The following CCDC178 variants were observed in gnomAD, a reference collection of about 807,000 sequenced individuals.
CCDC178 encodes the protein coiled-coil domain containing 178, also known as coiled-coil domain-containing protein 178.
Under a neutral mutation model 117.4 loss-of-function variants are expected in CCDC178, and 126 were observed. That is an observed-to-expected ratio of 1.07 (90% CI 0.93 to 1.24). CCDC178 has a LOEUF of 1.24. Ranked by LOEUF, CCDC178 falls within the 50% of genes most tolerant of loss-of-function variation. CCDC178 has a pLI of 0.00. For missense variants in CCDC178, 1,030 were observed against 986.9 expected (o/e 1.04, Z -0.59); for synonymous variants, 283 against 313.4 (o/e 0.90, Z 1.02).
chr18:33,029,036 C>T (rs543259924), intron 21 of CCDC178, among the ~76,000 whole-genome samples: 4 of 151,864 alleles, frequency 2.6e-5, no homozygotes, highest in East Asian at 3.9e-4. Flanking sequence ...TCCCATAGAA[C>T]GAGTTGGGAA....
At chr18:33,174,812 C>T (rs2058644604) in intron 20 of CCDC178, among the ~76,000 whole-genome samples, 1 of 151,780 alleles carries the variant, frequency 6.6e-6, no homozygotes, top group Admixed American at 6.6e-5. Flanking sequence ...CTTATCTCTC[C>T]TTCTTTTTTC....
At chr18:33,322,161 T>G (rs573522022) in intron 11 of CCDC178, among the ~76,000 whole-genome samples, 6 of 151,864 alleles carry the variant, frequency 4.0e-5, no homozygotes, top group Non-Finnish European at 2.9e-5. Flanking sequence ...TGTAGACAGA[T>G]GTATCACCAT....
At chr18:33,000,575 A>G (rs2055609788) in intron 21 of CCDC178, among the ~76,000 whole-genome samples, 1 of 152,222 alleles carries the variant, frequency 6.6e-6, no homozygotes, top group African/African-American at 2.4e-5. Context: ...AAGGATCTTA[A>G]AAGCAGCAAG....
chr18:33,367,293 C>T (rs890577121), intron 6 of CCDC178, among the ~76,000 whole-genome samples: 3 of 151,924 alleles, frequency 2.0e-5, no homozygotes, highest in African/African-American at 4.8e-5. Flanking sequence ...TGGAGGATTG[C>T]CATTTTAAAT....
chr18:33,397,262 T>G lies in CCDC178; in HGVS notation c.59-54A>C. 5 of 1,233,158 alleles carry G rather than the reference T, an allele frequency of 4.1e-6. No homozygotes were observed. In the Admixed American group the frequency reaches 9.1e-5, roughly 22 times the overall value. The allele number at this position is 1,233,158 out of a possible 1,614,324, so 76.4% of individuals were successfully genotyped here. A position where few individuals can be genotyped will look rare whatever the true frequency, so the allele number is the denominator to read the frequency against. On this transcript the variant is annotated intron_variant, in intron 3 of 22. Coordinates refer to ENST00000383096, the MANE Select transcript of CCDC178 (RefSeq NM_001105528.4). ...AATATCTGCTTCCTGAGTCAAATATTCTGCCCTATATTGCACTAGTAAGGA... is the reference window on the plus strand; with the variant it reads ...AATATCTGCTTCCTGAGTCAAATATGCTGCCCTATATTGCACTAGTAAGGA...
intron 21 of CCDC178, among the ~76,000 whole-genome samples, chr18:33,041,107 T>C (rs1428199298): frequency 6.6e-6 from 1 of 151,870 alleles, no homozygotes; most frequent in Non-Finnish European, 1.5e-5. Flanking sequence ...GGCAGTTTTT[T>C]AGTAACTATT....
chr18:33,249,636 T>G (rs1175287945), intron 14 of CCDC178, among the ~76,000 whole-genome samples: 1 of 152,088 alleles, frequency 6.6e-6, no homozygotes, highest in African/African-American at 2.4e-5. Flanking sequence ...TATCTCTGTT[T>G]TGGTACCAGT....
chr18:33,374,228 C>G (rs912004214), intron 5 of CCDC178, among the ~76,000 whole-genome samples: 1 of 152,102 alleles, frequency 6.6e-6, no homozygotes, highest in East Asian at 1.9e-4. Flanking sequence ...ACGTGGGAGG[C>G]CCCTCTGACA....
At chr18:33,183,140 T>C (rs561740246) in intron 20 of CCDC178, among the ~76,000 whole-genome samples, 1 of 152,182 alleles carries the variant, frequency 6.6e-6, no homozygotes, top group East Asian at 1.9e-4. Context: ...CAAAATATTG[T>C]TTCAGGGGCT....
At chr18:33,073,633 A>G (rs1187237426) in intron 21 of CCDC178, among the ~76,000 whole-genome samples, 1 of 152,106 alleles carries the variant, frequency 6.6e-6, no homozygotes, top group Non-Finnish European at 1.5e-5. Context: ...GGGTATGCAT[A>G]AACATTTTGT....
rs1048953466 is a variant in CCDC178, at chr18:33,370,265, A to C, written c.209-76T>G. ...TTTTGATGTTCAGAATAAGCAAAAAAATTCTGCTTTATTAGTGCTAATACT... is the reference window on the plus strand; with the variant it reads ...TTTTGATGTTCAGAATAAGCAAAAACATTCTGCTTTATTAGTGCTAATACT... On this transcript the variant is annotated intron_variant, in intron 5 of 22. Transcript: ENST00000383096. The C allele has an allele frequency of 2.1e-5, 23 of 1,116,534 alleles. No individual in the cohort carries two copies. In the Admixed American group the frequency reaches 7.5e-4, roughly 36 times the overall value. 69.2% of individuals were successfully genotyped at this position (1,116,534 alleles called of 1,614,324 possible). A position where few individuals can be genotyped will look rare whatever the true frequency, so the allele number is the denominator to read the frequency against.
intron 20 of CCDC178, among the ~76,000 whole-genome samples, chr18:33,192,259 T>C (rs2058868135): frequency 6.6e-6 from 1 of 152,044 alleles, no homozygotes; most frequent in African/African-American, 2.4e-5. Flanking sequence ...ATGAATTCAA[T>C]AAAAATACAG....
chr18:33,437,256 A>C (rs2144991086), intron 2 of CCDC178, among the ~76,000 whole-genome samples: 1 of 152,350 alleles, frequency 6.6e-6, no homozygotes, highest in East Asian at 1.9e-4. Context: ...TCATTTACAC[A>C]AAGAAAATTT....
intron 20 of CCDC178, among the ~76,000 whole-genome samples, chr18:33,165,231 T>TA: frequency 6.6e-6 from 1 of 152,178 alleles, no homozygotes; most frequent in South Asian, 2.1e-4. Flanking sequence ...CACATGCCTG[T>TA]AGTCTGAGCT....
intron 12 of CCDC178, among the ~76,000 whole-genome samples, chr18:33,270,249 G>C (rs1017282554): frequency 6.6e-6 from 1 of 151,454 alleles, no homozygotes; most frequent in Admixed American, 6.6e-5. Context: ...GACATTCCAT[G>C]AAGTATATAC....
chr18:33,016,845 G>A (rs1160779290), intron 21 of CCDC178, among the ~76,000 whole-genome samples: 1 of 151,822 alleles, frequency 6.6e-6, no homozygotes, highest in African/African-American at 2.4e-5. Flanking sequence ...TAAAATAATA[G>A]AAGTACAGAA....
At chr18:33,221,565 CAG>C (rs988845506) in intron 18 of CCDC178, among the ~76,000 whole-genome samples, 21 of 152,212 alleles carry the variant, frequency 1.4e-4, no homozygotes, top group African/African-American at 5.1e-4. Flanking sequence ...GTTCTGGTCA[CAG>C]TGTCCTTTAT....
At chr18:33,332,417 A>C (rs1328393579) in intron 10 of CCDC178, among the ~76,000 whole-genome samples, 1 of 152,110 alleles carries the variant, frequency 6.6e-6, no homozygotes, top group East Asian at 1.9e-4. Context: ...CATATTCCAC[A>C]ATAGGAGAGT....
intron 15 of CCDC178, among the ~76,000 whole-genome samples, chr18:33,232,271 A>G (rs550197865): frequency 7.9e-5 from 12 of 152,236 alleles, no homozygotes; most frequent in African/African-American, 2.2e-4. Flanking sequence ...GACAAAAGAT[A>G]GCTGAAAGGA....
Sources: gnomAD v4.1 joint callset for allele counts (sites outside exome capture counted in the v4.1 genomes callset) on GRCh38, gnomAD v4.1.1 for gene constraint, MANE v1.5 for transcripts, NCBI Gene and HGNC (gene_info 2026-07-23, HGNC 2026-07-21) for gene names.